Variants in PFKFB3 observed in about 807,000 individuals in gnomAD.
PFKFB3 encodes the protein 6-phosphofructo-2-kinase/fructose-2,6-biphosphatase 3, also known as 6-phosphofructo-2-kinase/fructose-2,6-bisphosphatase 3.
A neutral mutation model predicts 68.0 loss-of-function variants in PFKFB3; 33 were observed. That is an observed-to-expected ratio of 0.49 (90% confidence interval 0.37 to 0.65). The LOEUF (loss-of-function observed/expected upper bound fraction) is 0.65. Among genes scored for constraint, PFKFB3 ranks in the 30% least tolerant of loss-of-function variants. PFKFB3 has a pLI of 0.00. For missense variants in PFKFB3, 586 were observed against 712.2 expected, an observed-to-expected ratio of 0.82 and a Z score of 2.02; for synonymous variants, 315 against 288.2, an observed-to-expected ratio of 1.09 and a Z score of -0.94.
At chr10:6,240,274 T>C (rs989965595), downstream of PFKFB3, among the ~76,000 whole-genome samples, 7 of 151,944 alleles carry the variant, frequency 4.6e-5, no homozygotes, top group African/African-American at 1.7e-4. Context: ...TAAGTAGGTA[T>C]GTATTTTTGA....
intron 1 of PFKFB3, among the ~76,000 whole-genome samples, chr10:6,155,205 C>CTTTTTTTTT (rs55673645): frequency 7.6e-6 from 1 of 132,388 alleles, no homozygotes; most frequent in Non-Finnish European, 1.6e-5. Flanking sequence ...GAGTTTTTTT[C>CTTTTTTTTT]TTTTTTTTTT....
At chr10:6,169,767 A>G (rs949441905) in intron 1 of PFKFB3, among the ~76,000 whole-genome samples, 3 of 152,228 alleles carry the variant, frequency 2.0e-5, no homozygotes, top group East Asian at 1.9e-4. Context: ...CCTGAGCTCT[A>G]TATATGGGAG....
At position 6,224,037 on chromosome 10, in the gene PFKFB3, G is replaced by A. The variant is rs1845150351; in HGVS notation, c.1276+17G>A. On this transcript the variant is annotated intron_variant, in intron 12 of 14. Coordinates refer to ENST00000379775, the MANE Select transcript of PFKFB3 (RefSeq NM_004566.4). ...TCGCTTATGGTGAGTAGCAACCCCT[G>A]CCAAGCCCTGTCCCCCTGAAGGTGG... 1.2e-6 allele frequency: 2 copies of A among 1,613,948 alleles called. No homozygotes were observed.
In PFKFB3 at chr10:6,213,650, C is replaced by G. The variant is rs1411150325; in HGVS notation, c.104C>G (p.Pro35Arg). 54 of 1,613,246 alleles carry G rather than the reference C, an allele frequency of 3.3e-5. No individual in the cohort carries two copies. Among genetic ancestry groups the G allele is most frequent in the Non-Finnish European group, 4.4e-5 (52 of 1,179,672 alleles). ...RSCGPKLTNS[P>R]TVIVMVGLPA... Reference sequence around the variant, plus strand: ...TGTGGGCCAAAGCTGACCAACTCCCCCACCGTCATCGTCATGGTGGGCCTC... The same window carrying G: ...TGTGGGCCAAAGCTGACCAACTCCCGCACCGTCATCGTCATGGTGGGCCTC... The change falls in exon 2 of 15, where the codon CCC (proline) becomes CGC (arginine). Residue 35 changes from proline to arginine, a missense_variant. Pro to Arg is a moderately radical substitution (Grantham distance 103). Coordinates refer to ENST00000379775, the MANE Select transcript of PFKFB3 (RefSeq NM_004566.4).
At chr10:6,323,104 C>G in the PFKFB3 span, among the ~76,000 whole-genome samples, 1 of 152,202 alleles carries the variant, frequency 6.6e-6, no homozygotes, top group Non-Finnish European at 1.5e-5. Flanking sequence ...AAGCCTCACA[C>G]AGGATATGCT....
chr10:6,218,631 C>G (rs1419743660), intron 6 of PFKFB3, among the ~76,000 whole-genome samples: 1 of 152,104 alleles, frequency 6.6e-6, no homozygotes, highest in Non-Finnish European at 1.5e-5. Context: ...GGGGGTTTCA[C>G]TGTGTTGGCC....
rs1046635432 is a variant in PFKFB3 at position 6,192,671 on chromosome 10, G to A, written c.17-20952G>A. ...TTGACTCTTCCCCTCACCCGTGTGT[G>A]TGTGTGTGTGTGTGTGTGTGTGTGT... On this transcript the variant is annotated intron_variant, in intron 1 of 14. Transcript: ENST00000379789. Among the ~76,000 whole-genome samples the A allele has an allele frequency of 5.5e-3, 649 of 117,090 alleles. 5 individuals carry two copies. The highest frequency in any genetic ancestry group is 0.027 in the East Asian group (132 of 4,920). 76.8% of individuals were successfully genotyped at this position (117,090 alleles called of 152,430 possible). A position where few individuals can be genotyped will look rare whatever the true frequency, so the allele number is the denominator to read the frequency against.
the PFKFB3 span, among the ~76,000 whole-genome samples, chr10:6,260,486 T>C: frequency 0.013 from 1,983 of 151,988 alleles, 110 homozygotes; most frequent in South Asian, 0.17. Context: ...CCCCTTTTAA[T>C]TGCCACCTGC....
intron 1 of PFKFB3, among the ~76,000 whole-genome samples, chr10:6,206,586 C>A (rs1354128862): frequency 1.2e-4 from 16 of 132,118 alleles, no homozygotes; most frequent in South Asian, 2.3e-4. Flanking sequence ...AGGGGCTGAC[C>A]CCCCCACCTC....
At chr10:6,325,828 C>T in the PFKFB3 span, among the ~76,000 whole-genome samples, 10 of 152,106 alleles carry the variant, frequency 6.6e-5, no homozygotes, top group South Asian at 1.7e-3. Flanking sequence ...ATAGTAACCC[C>T]CAAAGAGATA....
intron 1 of PFKFB3, among the ~76,000 whole-genome samples, chr10:6,172,172 G>A (rs563321167): frequency 9.9e-5 from 15 of 152,222 alleles, no homozygotes; most frequent in Non-Finnish European, 1.9e-4. Context: ...TCAGGCATGC[G>A]GCTGTGCTTC....
intron 1 of PFKFB3, among the ~76,000 whole-genome samples, chr10:6,173,111 C>G (rs1159568380): frequency 6.6e-6 from 1 of 152,234 alleles, no homozygotes; most frequent in Non-Finnish European, 1.5e-5. Context: ...TTGTGCCCTA[C>G]TTGTCTACTT....
At chr10:6,326,543 T>G in the PFKFB3 span, 1 of 456,226 alleles carries the variant, frequency 2.2e-6, no homozygotes, top group Non-Finnish European at 4.4e-6. Flanking sequence ...AATTGTCTTC[T>G]AGATATGGAG....
rs34129264 is a variant in PFKFB3 at position 6,192,664 on chromosome 10, CGTGTGTGTGTGTGTGTGTGTGTGT to C, written c.17-20934_17-20911del. On this transcript the variant is annotated intron_variant, in intron 1 of 14. Transcript: ENST00000379789. ...TTTGACATTGACTCTTCCCCTCACCCGTGTGTGTGTGTGTGTGTGTGTGTGTGTGTGTGTGTGTGTGTGTGTGTT... is the reference window on the plus strand; with the variant it reads ...TTTGACATTGACTCTTCCCCTCACCCGTGTGTGTGTGTGTGTGTGTGTGTT... 6.2e-5 allele frequency among the ~76,000 whole-genome samples: 8 copies of C among 128,874 alleles called. 1 individual carries two copies. In the South Asian group the frequency reaches 1.9e-3, roughly 31 times the overall value. The allele number at this position is 128,874 out of a possible 152,430, so 84.5% of individuals were successfully genotyped here. A position where few individuals can be genotyped will look rare whatever the true frequency, so the allele number is the denominator to read the frequency against.
Position 6,219,567 on chromosome 10 carries a change from AG to A in PFKFB3, c.499del. 1 of 1,614,010 alleles carries A rather than the reference AG, an allele frequency of 6.2e-7. No individual in the cohort carries two copies. The highest frequency in any genetic ancestry group is 8.5e-7 in the Non-Finnish European group (1 of 1,179,916). ...ATCAGCCACCCCTTTGTGGTGTTGC[AG>A]GAAGTTAAAATCTCCAGCCCGGATT... On this transcript the variant is annotated splice_acceptor_variant, in intron 6 of 14. Transcript: ENST00000379775. LOFTEE classifies it high-confidence loss of function.
intron 1 of PFKFB3, among the ~76,000 whole-genome samples, chr10:6,210,452 C>T (rs1396765151): frequency 1.8e-5 from 2 of 112,146 alleles, no homozygotes; most frequent in African/African-American, 2.7e-5. Context: ...GCTCCGCCTC[C>T]CGGGTTCACG....
chr10:6,154,495 G>T lies in PFKFB3; in HGVS notation c.16+9482G>T, dbSNP rs769456856. 5.9e-5 allele frequency among the ~76,000 whole-genome samples: 9 copies of T among 152,118 alleles called. No homozygotes were observed. Among genetic ancestry groups the T allele is most frequent in the African/African-American group, 1.9e-4 (8 of 41,422 alleles). On this transcript the variant is annotated intron_variant, in intron 1 of 14. Coordinates refer to the PFKFB3 transcript ENST00000379789. This position sits in a 1 kb window ranked among gnomAD's most constrained non-coding sequence, Gnocchi z 4.6. Reference sequence around the variant, plus strand: ...ACTCCTGAGTTCAAGTGATTTGCCCGCCTCGGCCTTCCAAAGTGCTGGGAT... The same window carrying T: ...ACTCCTGAGTTCAAGTGATTTGCCCTCCTCGGCCTTCCAAAGTGCTGGGAT...
intron 1 of PFKFB3, among the ~76,000 whole-genome samples, chr10:6,176,442 C>G (rs1842474809): frequency 6.6e-6 from 1 of 152,202 alleles, no homozygotes; most frequent in Non-Finnish European, 1.5e-5. Context: ...GGGTCTCCCT[C>G]TGTTGCCCAG....
At chr10:6,317,856 A>G in the PFKFB3 span, among the ~76,000 whole-genome samples, 3 of 152,194 alleles carry the variant, frequency 2.0e-5, no homozygotes. Flanking sequence ...CAGACAGAAG[A>G]CGCAATTGTG....
Sources: allele counts gnomAD v4.1 joint callset (sites outside exome capture counted in the v4.1 genomes callset), GRCh38; gene constraint gnomAD v4.1.1; non-coding constraint Gnocchi (gnomAD v3.1); transcripts MANE v1.5; gene names NCBI Gene and HGNC (gene_info 2026-07-23, HGNC 2026-07-21).